Variants in IL1RAPL1 observed in about 807,000 individuals in gnomAD.
The protein encoded by IL1RAPL1 is interleukin-1 receptor accessory protein-like 1.
A neutral mutation model predicts 48.4 loss-of-function variants in IL1RAPL1; 3 were observed. That is an observed-to-expected ratio of 0.06 (90% CI 0.03 to 0.16). IL1RAPL1 has a LOEUF of 0.16. IL1RAPL1 is among the 10% of genes least tolerant of loss of function. IL1RAPL1 has a pLI of 1.00. For synonymous variants in IL1RAPL1, 185 were observed against 187.7 expected (o/e 0.99, Z 0.12); for missense variants, 349 against 530.6 (o/e 0.66, Z 3.36).
At chrX:28,638,328 A>T (rs1934490843) in intron 1 of IL1RAPL1, among the ~76,000 whole-genome samples, 1 of 111,413 alleles carries the variant, frequency 9.0e-6, no homozygotes, top group South Asian at 3.8e-4. Flanking sequence ...AATGGGCAAG[A>T]AGAGTAGTCA....
rs765594392 is a variant in IL1RAPL1 at position 29,424,722 on chromosome X, C to T, written c.703+25414C>T. ...GGATTTATTAAACTTCACTGTTTTC[C>T]AAGATCATTGGTCTTGGGTAAAGTT... On this transcript the variant is annotated intron_variant, in intron 5 of 10. Coordinates refer to ENST00000378993, the MANE Select transcript of IL1RAPL1 (RefSeq NM_014271.4). 8.1e-5 allele frequency among the ~76,000 whole-genome samples: 9 copies of T among 111,237 alleles called. No individual in the cohort carries two copies. In the Admixed American group the frequency reaches 8.6e-4, roughly 11 times the overall value.
intron 2 of IL1RAPL1, among the ~76,000 whole-genome samples, chrX:29,219,909 C>T (rs1338800993): frequency 9.1e-6 from 1 of 109,446 alleles, no homozygotes; most frequent in Non-Finnish European, 1.9e-5. Flanking sequence ...AGCATTGTAG[C>T]TCGAAGGCCA....
At chrX:28,686,750 A>T (rs1935115793) in intron 1 of IL1RAPL1, among the ~76,000 whole-genome samples, 1 of 112,024 alleles carries the variant, frequency 8.9e-6, no homozygotes, top group African/African-American at 3.2e-5. Context: ...AATATTTAAG[A>T]AGGTTTTTGA....
At chrX:29,716,062 T>C in intron 6 of IL1RAPL1, among the ~76,000 whole-genome samples, 1 of 111,054 alleles carries the variant, frequency 9.0e-6, no homozygotes, top group Middle Eastern at 4.7e-3. Flanking sequence ...AGATGGAGAT[T>C]TGTGGATAGA....
chrX:29,439,397 C>T (rs961899605), intron 5 of IL1RAPL1, among the ~76,000 whole-genome samples: 2 of 111,846 alleles, frequency 1.8e-5, no homozygotes, highest in Non-Finnish European at 3.8e-5. Flanking sequence ...GTCACTTCTA[C>T]CTGTATTCCA....
At chrX:28,650,197 A>T (rs941194015) in intron 1 of IL1RAPL1, among the ~76,000 whole-genome samples, 2 of 111,816 alleles carry the variant, frequency 1.8e-5, no homozygotes, top group Admixed American at 1.9e-4. Context: ...GAGTAGCTTG[A>T]ATGATAGTCA....
At position 29,363,152 on chromosome X, in the gene IL1RAPL1, G is replaced by A. The variant is rs759213436; in HGVS notation, c.363-33106G>A. Among the ~76,000 whole-genome samples, 42 of 111,606 alleles carry A rather than the reference G, an allele frequency of 3.8e-4. 1 individual carries two copies. The highest frequency in any genetic ancestry group is 1.4e-3 in the African/African-American group (42 of 30,729). Reference sequence around the variant, plus strand: ...TTCCCCTAAGGTCCCTGAAAATGAAGTATTTTGTATGCCACATCTATTTCA... The same window carrying A: ...TTCCCCTAAGGTCCCTGAAAATGAAATATTTTGTATGCCACATCTATTTCA... On this transcript the variant is annotated intron_variant, in intron 3 of 10. Coordinates refer to ENST00000378993, the MANE Select transcript of IL1RAPL1 (RefSeq NM_014271.4).
intron 2 of IL1RAPL1, among the ~76,000 whole-genome samples, chrX:29,258,144 A>G (rs910241584): frequency 3.6e-5 from 4 of 111,229 alleles, no homozygotes; most frequent in African/African-American, 1.3e-4. Flanking sequence ...CATGACTTAT[A>G]GCAGGTGACA....
chrX:28,997,048 C>A (rs1027845889), intron 2 of IL1RAPL1, among the ~76,000 whole-genome samples: 3 of 111,066 alleles, frequency 2.7e-5, no homozygotes, highest in Non-Finnish European at 5.7e-5. Context: ...CATGGACTTA[C>A]CCAGTGCGCA....
At chrX:29,332,156 C>T (rs1227896688) in intron 3 of IL1RAPL1, among the ~76,000 whole-genome samples, 3 of 27,556 alleles carry the variant, frequency 1.1e-4, no homozygotes, top group Non-Finnish European at 2.1e-4. Context: ...TTCATTGTTA[C>T]GAAACAGATG....
chrX:29,069,062 CA>C (rs767242332), intron 2 of IL1RAPL1, among the ~76,000 whole-genome samples: 5 of 112,003 alleles, frequency 4.5e-5, no homozygotes, highest in Non-Finnish European at 7.5e-5. Context: ...TTTATGAAAC[CA>C]GTTAAGTTAT....
intron 1 of IL1RAPL1, among the ~76,000 whole-genome samples, chrX:28,639,188 A>G (rs1219653905): frequency 8.9e-6 from 1 of 112,031 alleles, no homozygotes; most frequent in Non-Finnish European, 1.9e-5. Context: ...CTCTGGGAGC[A>G]ATGAGTGATT....
intron 5 of IL1RAPL1, among the ~76,000 whole-genome samples, chrX:29,500,071 G>T (rs1211947924): frequency 9.1e-6 from 1 of 109,864 alleles, no homozygotes; most frequent in African/African-American, 3.3e-5. Context: ...CTGCCTCCTG[G>T]GTCCAAGCAA....
intron 1 of IL1RAPL1, among the ~76,000 whole-genome samples, chrX:28,672,657 C>T (rs2146915147): frequency 9.0e-6 from 1 of 111,239 alleles, no homozygotes; most frequent in Non-Finnish European, 1.9e-5. Flanking sequence ...AGTGGCAGTA[C>T]AACAATTACA....
At chrX:28,956,467 A>T (rs1345376794) in intron 2 of IL1RAPL1, among the ~76,000 whole-genome samples, 42 of 110,838 alleles carry the variant, frequency 3.8e-4, no homozygotes, top group African/African-American at 1.0e-3. Flanking sequence ...AGTTTTTAGC[A>T]TGAAGGGTTG....
intron 5 of IL1RAPL1, among the ~76,000 whole-genome samples, chrX:29,451,101 C>T (rs1158493269): frequency 9.4e-6 from 1 of 106,311 alleles, no homozygotes; most frequent in African/African-American, 3.5e-5. Context: ...GGTTGACTCT[C>T]TCTATACCTA....
chrX:29,955,943 A>C lies in IL1RAPL1; in HGVS notation c.*123A>C, dbSNP rs2147259478. On this transcript the variant is annotated 3_prime_UTR_variant, in exon 11 of 11. Transcript: ENST00000378993. ...CATTAGAATCTCTAGAACACGAGGA[A>C]AAACAGGGTCTTGTACATATGTTTT... 4 of 569,929 alleles carry C rather than the reference A, an allele frequency of 7.0e-6. 1 individual carries two copies. The East Asian group carries it at 1.4e-4, about 20-fold the overall frequency. The allele number at this position is 569,929 out of a possible 1,213,427, so 47.0% of individuals were successfully genotyped here. A position where few individuals can be genotyped will look rare whatever the true frequency, so the allele number is the denominator to read the frequency against.
At chrX:29,343,173 T>C (rs1450326892) in intron 3 of IL1RAPL1, among the ~76,000 whole-genome samples, 1 of 112,632 alleles carries the variant, frequency 8.9e-6, no homozygotes, top group Admixed American at 9.4e-5. Context: ...TTTTTCTGGC[T>C]GTTAAAATAC....
chrX:29,041,294 G>C (rs1293899401), intron 2 of IL1RAPL1, among the ~76,000 whole-genome samples: 1 of 111,379 alleles, frequency 9.0e-6, no homozygotes, highest in African/African-American at 3.3e-5. Context: ...CAGGGGGGTG[G>C]AATTTACTCT....
Sources: gnomAD v4.1 joint callset for allele counts (sites outside exome capture counted in the v4.1 genomes callset) on GRCh38, gnomAD v4.1.1 for gene constraint, MANE v1.5 for transcripts, NCBI Gene and HGNC (gene_info 2026-07-23, HGNC 2026-07-21) for gene names.